MAN2A1: variants seen among roughly 807,000 people sequenced by gnomAD.
MAN2A1 encodes mannosidase alpha class 2A member 1.
A neutral mutation model predicts 142.6 loss-of-function variants in MAN2A1; 76 were observed. That is an observed-to-expected ratio of 0.53 (90% CI 0.44 to 0.65). The LOEUF (loss-of-function observed/expected upper bound fraction) is 0.65. Among genes scored for constraint, MAN2A1 ranks in the 30% least tolerant of loss-of-function variants. The pLI is 0.00. For synonymous variants in MAN2A1, 559 were observed against 473.2 expected (o/e 1.18, Z -2.35); for missense variants, 1,311 against 1,365.1 (o/e 0.96, Z 0.62).
intron 2 of MAN2A1, among the ~76,000 whole-genome samples, chr5:109,714,888 C>T (rs1404974501): frequency 6.6e-6 from 1 of 150,528 alleles, no homozygotes. Context: ...GAATCCTGTG[C>T]TTACAGGGAT....
At chr5:109,767,116 GAA>G (rs1753012440) in intron 5 of MAN2A1, among the ~76,000 whole-genome samples, 2 of 152,318 alleles carry the variant, frequency 1.3e-5, no homozygotes, top group South Asian at 4.2e-4. Context: ...AATGTAAGTT[GAA>G]ATAGGTACGT....
intron 4 of MAN2A1, among the ~76,000 whole-genome samples, chr5:109,750,220 G>A (rs1053245356): frequency 6.6e-6 from 1 of 151,934 alleles, no homozygotes; most frequent in Non-Finnish European, 1.5e-5. Context: ...TTCCTTAAGT[G>A]CTTATCATGT....
intron 12 of MAN2A1, among the ~76,000 whole-genome samples, chr5:109,802,150 G>A (rs1325925797): frequency 6.6e-6 from 1 of 152,080 alleles, no homozygotes; most frequent in African/African-American, 2.4e-5. Context: ...ACACAGGCAA[G>A]GTCTCTTTTC....
At chr5:109,715,633 A>G (rs765296783) in intron 2 of MAN2A1, among the ~76,000 whole-genome samples, 15 of 152,164 alleles carry the variant, frequency 9.9e-5, no homozygotes, top group Admixed American at 2.0e-4. Context: ...CATATGCTAC[A>G]TGGCAGAATA....
intron 4 of MAN2A1, among the ~76,000 whole-genome samples, chr5:109,752,636 A>G (rs982543644): frequency 4.6e-5 from 7 of 152,162 alleles, no homozygotes; most frequent in African/African-American, 1.7e-4. Flanking sequence ...TTGGGTGCAC[A>G]TGAAGACATC....
In MAN2A1 at chr5:109,734,777, G is replaced by T. The variant is rs9716414; in HGVS notation, c.707+5264G>T. 2.0e-5 allele frequency among the ~76,000 whole-genome samples: 3 copies of T among 151,830 alleles called. No individual in the cohort carries two copies. The South Asian group carries it at 6.3e-4, about 32-fold the overall frequency. On this transcript the variant is annotated intron_variant, in intron 4 of 21. Transcript: ENST00000261483. ...CTGTTCTTTTACGTTTGCTGAGGAG[G>T]GCTTTACTTCCAACTATGTGGTCAA...
In MAN2A1 at chr5:109,690,154, C is replaced by A; in HGVS notation, c.-264C>A. 4 of 431,540 alleles carry A rather than the reference C, an allele frequency of 9.3e-6. No homozygotes were observed. The highest frequency in any genetic ancestry group is 1.7e-5 in the Non-Finnish European group (4 of 235,398). The allele number at this position is 431,540 out of a possible 1,614,324, so 26.7% of individuals were successfully genotyped here. A position where few individuals can be genotyped will look rare whatever the true frequency, so the allele number is the denominator to read the frequency against. ...GAGCTTGCGATCAAGTTTGTGGGGGCCCCCCTTCCCAGTTGCCGGCGAGTC... is the reference window on the plus strand; with the variant it reads ...GAGCTTGCGATCAAGTTTGTGGGGGACCCCCTTCCCAGTTGCCGGCGAGTC... On this transcript the variant is annotated 5_prime_UTR_variant, in exon 1 of 22. Transcript: ENST00000261483.
chr5:109,821,459 A>G (rs1561529315), intron 15 of MAN2A1, among the ~76,000 whole-genome samples: 2 of 152,120 alleles, frequency 1.3e-5, no homozygotes, highest in Non-Finnish European at 2.9e-5. Flanking sequence ...ATTTTGTATC[A>G]GTGTCTGAAG....
chr5:109,771,380 A>G (rs1221509876), intron 7 of MAN2A1, among the ~76,000 whole-genome samples: 1 of 152,190 alleles, frequency 6.6e-6, no homozygotes, highest in Non-Finnish European at 1.5e-5. Flanking sequence ...TGTGTGAGGA[A>G]GAAGGTGAAA....
At chr5:109,793,616 TA>T (rs1753789996) in intron 12 of MAN2A1, among the ~76,000 whole-genome samples, 1 of 152,124 alleles carries the variant, frequency 6.6e-6, no homozygotes, top group Non-Finnish European at 1.5e-5. Flanking sequence ...CCGTTACAAA[TA>T]AAGATAAACC....
At chr5:109,701,734 C>T (rs1207440863) in intron 1 of MAN2A1, among the ~76,000 whole-genome samples, 1 of 152,120 alleles carries the variant, frequency 6.6e-6, no homozygotes. Context: ...AATGTGGAGA[C>T]ATTTTGTAAA....
chr5:109,762,891 G>A (rs1044281900), intron 5 of MAN2A1, among the ~76,000 whole-genome samples: 1 of 152,158 alleles, frequency 6.6e-6, no homozygotes, highest in South Asian at 2.1e-4. Flanking sequence ...CATGAACAGG[G>A]CAACATCCCA....
intron 19 of MAN2A1, among the ~76,000 whole-genome samples, chr5:109,851,880 G>A (rs1054336502): frequency 6.6e-6 from 1 of 151,990 alleles, no homozygotes; most frequent in Non-Finnish European, 1.5e-5. Flanking sequence ...TACTTATATG[G>A]TTTAGAAAAG....
At chr5:109,850,513 C>T (rs759837109) in intron 19 of MAN2A1, among the ~76,000 whole-genome samples, 3 of 152,150 alleles carry the variant, frequency 2.0e-5, no homozygotes, top group Non-Finnish European at 4.4e-5. Context: ...AAGAGCCATA[C>T]CATTCTTGAG....
chr5:109,788,148 G>A (rs200579205), intron 10 of MAN2A1, among the ~76,000 whole-genome samples: 17 of 150,308 alleles, frequency 1.1e-4, no homozygotes, highest in East Asian at 9.8e-4. Context: ...GAGTTTCTAC[G>A]TACTTCTCCA....
chr5:109,791,034 G>A (rs1753724996), intron 12 of MAN2A1, among the ~76,000 whole-genome samples: 1 of 152,014 alleles, frequency 6.6e-6, no homozygotes, highest in Non-Finnish European at 1.5e-5. Context: ...ATATTTTTAA[G>A]CTTTCATATT....
At chr5:109,731,587 C>T (rs1751913724) in intron 4 of MAN2A1, among the ~76,000 whole-genome samples, 1 of 145,374 alleles carries the variant, frequency 6.9e-6, no homozygotes, top group South Asian at 2.2e-4. Context: ...GTTCAATTCC[C>T]ACCTATGAGT....
At chr5:109,852,051 C>T (rs1444678159) in intron 19 of MAN2A1, among the ~76,000 whole-genome samples, 1 of 151,544 alleles carries the variant, frequency 6.6e-6, no homozygotes, top group Non-Finnish European at 1.5e-5. Context: ...ACACAGATTT[C>T]CAGTTTCTTG....
At position 109,855,252 on chromosome 5, in the gene MAN2A1, A is replaced by C; in HGVS notation, c.3089A>C (p.Glu1030Ala). The C allele has an allele frequency of 6.2e-7, 1 of 1,607,810 alleles. No individual in the cohort carries two copies. Among genetic ancestry groups the C allele is most frequent in the Non-Finnish European group, 8.5e-7 (1 of 1,177,676 alleles). ...AATAAGTTCTCCTCACCTACCCTTG[A>C]GCTGCAAGGTGAATTCTCTCCATTA... ...MANKFSSPTLELQGEFSPLQS... is the reference protein window; with the variant it reads ...MANKFSSPTLALQGEFSPLQS... The change falls in exon 20 of 22, where the codon GAG becomes GCG. Residue 1030 changes from glutamate to alanine, a missense_variant. Glu to Ala is a moderately radical substitution (Grantham distance 107). Around this residue, in one of 3 missense-constraint regions of MAN2A1, gnomAD observed 890 missense variants for 920.5 expected, o/e 0.97. Transcript: ENST00000261483.
Sources: gnomAD v4.1 joint callset for allele counts (sites outside exome capture counted in the v4.1 genomes callset) on GRCh38, gnomAD v4.1.1 for gene constraint, gnomAD v4.1.1 regional missense constraint, MANE v1.5 for transcripts, NCBI Gene and HGNC (gene_info 2026-07-23, HGNC 2026-07-21) for gene names.